Variants in GALNT17 observed in about 807,000 individuals in gnomAD.
GALNT17 encodes the protein UDP-GalNAc:polypeptide N-acetylgalactosaminyltransferase-like 3.
GALNT17 carries 29 observed loss-of-function variants against 63.7 expected under a neutral mutation model. That is an observed-to-expected ratio of 0.46 (90% CI 0.34 to 0.62). The LOEUF (loss-of-function observed/expected upper bound fraction) is 0.62, where lower values mean the gene tolerates loss of function less well. Among genes scored for constraint, GALNT17 ranks in the 20% least tolerant of loss-of-function variants. The pLI is 0.01. For synonymous variants in GALNT17, 305 were observed against 318.3 expected, an observed-to-expected ratio of 0.96 and a Z score of 0.45; for missense variants, 603 against 799.6, an observed-to-expected ratio of 0.75 and a Z score of 2.97.
intron 3 of GALNT17, among the ~76,000 whole-genome samples, chr7:71,405,849 T>A (rs1449778543): frequency 6.6e-6 from 1 of 152,210 alleles, no homozygotes; most frequent in Non-Finnish European, 1.5e-5. Flanking sequence ...GATTGGCATT[T>A]AACATGAATT....
intron 6 of GALNT17, among the ~76,000 whole-genome samples, chr7:71,649,570 G>T (rs753824807): frequency 2.0e-4 from 30 of 151,642 alleles, no homozygotes; most frequent in Non-Finnish European, 3.8e-4. Context: ...CCTTGGTGGG[G>T]GTCTTCAGAT....
At chr7:71,451,338 A>G (rs1787260160) in intron 5 of GALNT17, among the ~76,000 whole-genome samples, 1 of 152,150 alleles carries the variant, frequency 6.6e-6, no homozygotes. Flanking sequence ...TGATTAGTCT[A>G]TGCCAGTTTT....
At chr7:71,514,905 G>A (rs1788421390) in intron 5 of GALNT17, among the ~76,000 whole-genome samples, 1 of 152,172 alleles carries the variant, frequency 6.6e-6, no homozygotes, top group African/African-American at 2.4e-5. Context: ...CCTGGTGGGA[G>A]ATAATTCAAT....
At chr7:71,366,790 CAT>C (rs1170917210) in intron 2 of GALNT17, among the ~76,000 whole-genome samples, 2 of 152,174 alleles carry the variant, frequency 1.3e-5, no homozygotes, top group East Asian at 3.9e-4. Flanking sequence ...CCCAACAGTA[CAT>C]GAGTGGCCTT....
intron 2 of GALNT17, among the ~76,000 whole-genome samples, chr7:71,339,468 C>A (rs1214254521): frequency 6.6e-6 from 1 of 152,144 alleles, no homozygotes; most frequent in Non-Finnish European, 1.5e-5. Context: ...GGGCGGATCA[C>A]CTGAGGTCGG....
intron 6 of GALNT17, among the ~76,000 whole-genome samples, chr7:71,608,625 C>A (rs1386584433): frequency 6.6e-6 from 1 of 152,106 alleles, no homozygotes; most frequent in African/African-American, 2.4e-5. Flanking sequence ...AACACCATCT[C>A]ATTTTTTATC....
chr7:71,586,939 A>G (rs917989785), intron 6 of GALNT17, among the ~76,000 whole-genome samples: 2 of 152,152 alleles, frequency 1.3e-5, no homozygotes, highest in African/African-American at 4.8e-5. Flanking sequence ...CTGACCTATC[A>G]AACACTAGGT....
At chr7:71,452,201 C>A (rs1787274617) in intron 5 of GALNT17, among the ~76,000 whole-genome samples, 1 of 151,808 alleles carries the variant, frequency 6.6e-6, no homozygotes, top group African/African-American at 2.4e-5. Flanking sequence ...TATGATTTCA[C>A]CACTGCACTT....
intron 9 of GALNT17, among the ~76,000 whole-genome samples, chr7:71,690,808 AATGGAGCCCGTAG>A (rs1791433007): frequency 3.3e-5 from 5 of 152,176 alleles, no homozygotes; most frequent in Admixed American, 3.3e-4. Context: ...CTAGAACCAA[AATGGAGCCCGTAG>A]ATGGGACTGA....
intron 2 of GALNT17, among the ~76,000 whole-genome samples, chr7:71,340,869 A>G (rs1791994398): frequency 6.6e-6 from 1 of 152,126 alleles, no homozygotes; most frequent in Admixed American, 6.5e-5. Context: ...CCCTGTCTCT[A>G]CTAAAAATAC....
intron 1 of GALNT17, among the ~76,000 whole-genome samples, chr7:71,303,982 G>C (rs1791245209): frequency 6.6e-6 from 1 of 152,162 alleles, no homozygotes; most frequent in Admixed American, 6.5e-5. Flanking sequence ...CGCCCCAGGA[G>C]TCTCAAGGTG....
At chr7:71,399,084 A>G (rs1793191140) in intron 3 of GALNT17, among the ~76,000 whole-genome samples, 4 of 151,974 alleles carry the variant, frequency 2.6e-5, no homozygotes, top group Admixed American at 2.6e-4. Flanking sequence ...AATACAAAAA[A>G]TTAGCTGGGT....
At chr7:71,576,660 T>C (rs1186925474) in intron 6 of GALNT17, among the ~76,000 whole-genome samples, 2 of 151,910 alleles carry the variant, frequency 1.3e-5, no homozygotes, top group African/African-American at 4.8e-5. Flanking sequence ...AACCTCCGCC[T>C]CCCAGGTTCA....
At chr7:71,533,705 GT>G (rs1788756246) in intron 5 of GALNT17, among the ~76,000 whole-genome samples, 1 of 152,112 alleles carries the variant, frequency 6.6e-6, no homozygotes, top group South Asian at 2.1e-4. Context: ...ATACCTAGAG[GT>G]TTGGCCTAGA....
chr7:71,509,325 T>A (rs1187276744), intron 5 of GALNT17, among the ~76,000 whole-genome samples: 1 of 152,186 alleles, frequency 6.6e-6, no homozygotes, highest in Admixed American at 6.5e-5. Flanking sequence ...GGAAGTGCAT[T>A]TTCCACTTAG....
intron 5 of GALNT17, among the ~76,000 whole-genome samples, chr7:71,508,648 C>G (rs1408696998): frequency 1.3e-5 from 2 of 152,074 alleles, no homozygotes; most frequent in South Asian, 4.1e-4. Flanking sequence ...CTCGCCGGCA[C>G]CAGCTCTGAG....
intron 6 of GALNT17, among the ~76,000 whole-genome samples, chr7:71,638,044 G>A (rs1474845495): frequency 1.3e-5 from 2 of 152,234 alleles, no homozygotes; most frequent in African/African-American, 4.8e-5. Flanking sequence ...TTCCAGGAAA[G>A]GAGTGGGCAA....
chr7:71,442,742 T>G (rs1287319579), intron 5 of GALNT17, among the ~76,000 whole-genome samples: 2 of 152,192 alleles, frequency 1.3e-5, no homozygotes, highest in African/African-American at 4.8e-5. Context: ...TGCAACAAGC[T>G]TGCTTAACTG....
At chr7:71,450,255 C>G (rs1787235983) in intron 5 of GALNT17, among the ~76,000 whole-genome samples, 2 of 151,678 alleles carry the variant, frequency 1.3e-5, no homozygotes, top group Non-Finnish European at 1.5e-5. Context: ...CTTGCCTCAG[C>G]CTCGCGAGTA....
Sources: allele counts gnomAD v4.1 joint callset (sites outside exome capture counted in the v4.1 genomes callset), GRCh38; gene constraint gnomAD v4.1.1; transcripts MANE v1.5; gene names NCBI Gene and HGNC (gene_info 2026-07-23, HGNC 2026-07-21).